Variants in CALML4 observed in about 807,000 individuals in gnomAD.
CALML4 encodes calmodulin like 4.
Under a neutral mutation model 17.9 loss-of-function variants are expected in CALML4, and 16 were observed. That is an observed-to-expected ratio of 0.89 (90% CI 0.61 to 1.36). The LOEUF is 1.36. Among genes scored for constraint, CALML4 ranks in the 40% most tolerant of loss-of-function variants. The probability of loss-of-function intolerance (pLI) is 0.00; values close to 1 mark genes in which losing one functional copy is unlikely to be tolerated. For synonymous variants in CALML4, 86 were observed against 71.5 expected, an observed-to-expected ratio of 1.20 and a Z score of -1.02; for missense variants, 203 against 194.8, an observed-to-expected ratio of 1.04 and a Z score of -0.25.
Position 68,197,131 on chromosome 15 carries a change from A to C in CALML4, c.364+309T>G, listed in dbSNP as rs1429557049. The stretch of plus-strand genomic sequence containing the variant: ...TGTCATGCACTAGATGAAGCCCCAC[A>C]GTGAGAGCTTGAACACAGGGGGAGA... On this transcript the variant is annotated intron_variant, in intron 4 of 4. Coordinates refer to ENST00000467889, the MANE Select transcript of CALML4 (RefSeq NM_033429.3). The surrounding 1 kb of genome is among the most constrained non-coding windows in gnomAD (Gnocchi z 4.1). Among the ~76,000 whole-genome samples the C allele has an allele frequency of 7.9e-6, 1 of 125,902 alleles. No homozygotes were observed. The highest frequency in any genetic ancestry group is 2.8e-5 in the African/African-American group (1 of 35,854). The allele number at this position is 125,902 out of a possible 152,430, so 82.6% of individuals were successfully genotyped here.
At chr15:68,201,104 G>T (rs2093164201) in intron 2 of CALML4, among the ~76,000 whole-genome samples, 1 of 152,162 alleles carries the variant, frequency 6.6e-6, no homozygotes, top group African/African-American at 2.4e-5. Flanking sequence ...ATTTCAGGGG[G>T]GTCACTAAAG....
Position 68,197,461 on chromosome 15 carries a change from C to T in CALML4, c.343G>A (p.Glu115Lys), listed in dbSNP as rs370364706. 9.3e-6 allele frequency: 15 copies of T among 1,613,920 alleles called. No homozygotes were observed. The African/African-American group carries it at 1.7e-4, about 19-fold the overall frequency. Residue 115 changes from glutamate (E) to lysine (K), a missense_variant, in exon 4 of 5, where the codon GAG becomes AAG. Transcript: ENST00000467889. This position sits in a 1 kb window ranked among gnomAD's most constrained non-coding sequence, Gnocchi z 4.1. Reference sequence around the variant, plus strand: ...TTACCTTCCTTGTGGGTGAGCTTCTCCCCCAGACTCGTGAGTTTTGACCGC... The same window carrying T: ...TTACCTTCCTTGTGGGTGAGCTTCTTCCCCAGACTCGTGAGTTTTGACCGC... Reference protein sequence around the residue: ...DLRSKLTSLGEKLTHKEVDDL... With the variant: ...DLRSKLTSLGKKLTHKEVDDL...
chr15:68,193,927 A>G lies in CALML4; in HGVS notation c.*88T>C. 7 of 873,792 alleles carry G rather than the reference A, an allele frequency of 8.0e-6. No individual in the cohort carries two copies. Among genetic ancestry groups the G allele is most frequent in the South Asian group, 3.1e-5 (2 of 64,660 alleles). 54.1% of individuals were successfully genotyped at this position (873,792 alleles called of 1,614,324 possible). On this transcript the variant is annotated 3_prime_UTR_variant, in exon 5 of 5. Coordinates refer to ENST00000467889, the MANE Select transcript of CALML4 (RefSeq NM_033429.3). ...ATGTTGTCTTGCCACTGTGTTTGCC[A>G]TCTCTCCCAAGTGAAAAGAACACTT...
At chr15:68,196,893 C>G (rs764267475) in intron 4 of CALML4, among the ~76,000 whole-genome samples, 1 of 152,198 alleles carries the variant, frequency 6.6e-6, no homozygotes, top group Non-Finnish European at 1.5e-5. Flanking sequence ...CTCTGGAGCC[C>G]CTTTCTGGAA....
At chr15:68,194,328 G>C (rs2093133422) in intron 4 of CALML4, among the ~76,000 whole-genome samples, 1 of 151,826 alleles carries the variant, frequency 6.6e-6, no homozygotes, top group African/African-American at 2.4e-5. Context: ...CTTTCTGCAG[G>C]GGCAGGGAGT....
intron 2 of CALML4, among the ~76,000 whole-genome samples, chr15:68,203,396 T>C (rs757622193): frequency 6.6e-6 from 1 of 152,254 alleles, no homozygotes; most frequent in Non-Finnish European, 1.5e-5. Flanking sequence ...TGTTAAACTA[T>C]TTCTCACCCT....
intron 2 of CALML4, among the ~76,000 whole-genome samples, chr15:68,201,516 G>A (rs902830667): frequency 6.6e-6 from 1 of 152,186 alleles, no homozygotes; most frequent in African/African-American, 2.4e-5. Context: ...CCTTGGGTGA[G>A]GGTGGGCCCA....
chr15:68,197,962 G>A lies in CALML4; in HGVS notation c.176-334C>T, dbSNP rs976906328. On this transcript the variant is annotated intron_variant, in intron 3 of 4. Transcript: ENST00000467889. This position sits in a 1 kb window ranked among gnomAD's most constrained non-coding sequence, Gnocchi z 4.1. ...CTTCCCTCCTGCCCTGAACTGGAGG[G>A]AAACAGGTCCATGTGTGCATTCCAC... 5 of 249,412 alleles carry A rather than the reference G, an allele frequency of 2.0e-5. No individual in the cohort carries two copies. The highest frequency in any genetic ancestry group is 1.3e-3 in the Middle Eastern group (1 of 758). The allele number at this position is 249,412 out of a possible 1,614,324, so 15.4% of individuals were successfully genotyped here. A position where few individuals can be genotyped will look rare whatever the true frequency, so the allele number is the denominator to read the frequency against.
chr15:68,196,928 A>C (rs948999103), intron 4 of CALML4, among the ~76,000 whole-genome samples: 1 of 152,118 alleles, frequency 6.6e-6, no homozygotes, highest in African/African-American at 2.4e-5. Flanking sequence ...CTGAGTTGGA[A>C]AGGGAGCAAA....
In CALML4 at chr15:68,193,983, A is replaced by G. The variant is rs766887696; in HGVS notation, c.*32T>C. The G allele has an allele frequency of 1.0e-5, 15 of 1,505,768 alleles. No homozygotes were observed. The East Asian group carries it at 2.3e-4, about 23-fold the overall frequency. 93.3% of individuals were successfully genotyped at this position (1,505,768 alleles called of 1,614,324 possible). A position where few individuals can be genotyped will look rare whatever the true frequency, so the allele number is the denominator to read the frequency against. On this transcript the variant is annotated 3_prime_UTR_variant, in exon 5 of 5. Transcript: ENST00000467889. ...AAAAAATTAATTGCTCCAAGTTTTC[A>G]GGCCCAGGGGAGGCTCTCCCATTCT...
chr15:68,194,161 A>G (rs1312424086), intron 4 of CALML4, 49 bp from the exon 5 acceptor site: 5 of 1,496,238 alleles, frequency 3.3e-6, no homozygotes, highest in East Asian at 4.5e-5. Context: ...GTGTTCCATT[A>G]TAAAACAGTG....
At chr15:68,194,821 T>TA (rs1490978681) in intron 4 of CALML4, among the ~76,000 whole-genome samples, 2 of 152,048 alleles carry the variant, frequency 1.3e-5, no homozygotes, top group Admixed American at 6.6e-5. Flanking sequence ...GTCCCAGGCT[T>TA]CGGCCTGCTC....
At chr15:68,203,681 C>T (rs2093172809) in intron 2 of CALML4, among the ~76,000 whole-genome samples, 1 of 152,164 alleles carries the variant, frequency 6.6e-6, no homozygotes, top group African/African-American at 2.4e-5. Flanking sequence ...GACATTATTC[C>T]CCTCTGTCCG....
At position 68,191,699 on chromosome 15, in the gene CALML4, T is replaced by G. The variant is rs567943484; in HGVS notation, c.*2316A>C. ...TAAATCACAGCATCTGTTTAGTATC[T>G]GCAGTTTGAATGCTAAGAGCACCGT... On this transcript the variant is annotated 3_prime_UTR_variant, in exon 5 of 5. Coordinates refer to ENST00000467889, the MANE Select transcript of CALML4 (RefSeq NM_033429.3). The G allele has an allele frequency of 6.6e-6, 1 of 152,618 alleles. No homozygotes were observed. The highest frequency in any genetic ancestry group is 2.4e-5 in the African/African-American group (1 of 41,596). 9.5% of individuals were successfully genotyped at this position (152,618 alleles called of 1,614,324 possible). A position where few individuals can be genotyped will look rare whatever the true frequency, so the allele number is the denominator to read the frequency against.
In CALML4 at chr15:68,195,225, C is replaced by T. The variant is rs1445260915; in HGVS notation, c.365-1113G>A. Among the ~76,000 whole-genome samples, 6 of 152,280 alleles carry T rather than the reference C, an allele frequency of 3.9e-5. No individual in the cohort carries two copies. In the East Asian group the frequency reaches 1.2e-3, roughly 29 times the overall value. ...CTGTCCTCATCTCACTGCCCTGTGTCAACTTCCCAGGCCTGGATACCTTCC... is the reference window on the plus strand; with the variant it reads ...CTGTCCTCATCTCACTGCCCTGTGTTAACTTCCCAGGCCTGGATACCTTCC... On this transcript the variant is annotated intron_variant, in intron 4 of 4. Coordinates refer to ENST00000467889, the MANE Select transcript of CALML4 (RefSeq NM_033429.3).
At chr15:68,205,736 G>T (rs566124218), upstream of CALML4, 16 of 272,018 alleles carry the variant, frequency 5.9e-5, no homozygotes, top group Admixed American at 5.4e-4. The surrounding 1 kb of genome is among the most constrained non-coding windows in gnomAD (Gnocchi z 4.8). Context: ...GGGCACCGGG[G>T]CTCGCAGGCT....
upstream of CALML4, chr15:68,206,094 T>G (rs1249171881): frequency 6.6e-6 from 1 of 152,260 alleles, no homozygotes; most frequent in Non-Finnish European, 1.5e-5. Context: ...TCCCTTCCTC[T>G]CTCCACCCTC....
chr15:68,197,912 T>C lies in CALML4; in HGVS notation c.176-284A>G, dbSNP rs1215122089. ...GGGTTCCCAACCACAGATGGAGGAC[T>C]GGGCTCCTCTGCTCCCTTCTAGCGC... On this transcript the variant is annotated intron_variant, in intron 3 of 4. Transcript: ENST00000467889. This position sits in a 1 kb window ranked among gnomAD's most constrained non-coding sequence, Gnocchi z 4.1. The C allele has an allele frequency of 7.7e-6, 3 of 390,598 alleles. No individual in the cohort carries two copies. Among genetic ancestry groups the C allele is most frequent in the Non-Finnish European group, 1.4e-5 (3 of 211,748 alleles). The allele number at this position is 390,598 out of a possible 1,614,324, so 24.2% of individuals were successfully genotyped here. A position where few individuals can be genotyped will look rare whatever the true frequency, so the allele number is the denominator to read the frequency against.
At chr15:68,202,612 C>T (rs1339268855) in intron 2 of CALML4, among the ~76,000 whole-genome samples, 2 of 151,494 alleles carry the variant, frequency 1.3e-5, no homozygotes. Context: ...TTCCATCTAG[C>T]CACTTGATTA....
Sources: gnomAD v4.1 joint callset for allele counts (sites outside exome capture counted in the v4.1 genomes callset) on GRCh38, gnomAD v4.1.1 for gene constraint, Gnocchi (gnomAD v3.1) non-coding constraint, MANE v1.5 for transcripts, NCBI Gene and HGNC (gene_info 2026-07-23, HGNC 2026-07-21) for gene names.